HLA-G: variants seen among roughly 807,000 people sequenced by gnomAD.
HLA-G encodes the protein major histocompatibility complex, class I, G.
A neutral mutation model predicts 39.3 loss-of-function variants in HLA-G; 34 were observed. That is an observed-to-expected ratio of 0.86 (90% CI 0.66 to 1.15). The LOEUF (loss-of-function observed/expected upper bound fraction) is 1.15. HLA-G is among the 50% of genes most tolerant of loss of function. The probability of loss-of-function intolerance (pLI) is 0.00; values close to 1 mark genes in which losing one functional copy is unlikely to be tolerated. For missense variants in HLA-G, 419 were observed against 456.4 expected, an observed-to-expected ratio of 0.92 and a Z score of 0.75; for synonymous variants, 183 against 185.8, an observed-to-expected ratio of 0.99 and a Z score of 0.12.
intron 1 of HLA-G, 35 bp downstream of exon 1, chr6:29,827,952 G>A (rs767979259): frequency 1.9e-6 from 3 of 1,594,770 alleles, no homozygotes; most frequent in South Asian, 2.3e-5. Flanking sequence ...CAGCCCCTGC[G>A]CGGAGGAGGG....
upstream of HLA-G, chr6:29,827,327 C>G (rs1760755427): frequency 2.8e-6 from 1 of 357,086 alleles, no homozygotes. Flanking sequence ...GTCTTTACAC[C>G]TACAATCCCA....
chr6:29,829,503 G>A lies in HLA-G; in HGVS notation c.705G>A (p.Ala235=), dbSNP rs78141541. 396 of 1,613,802 alleles carry A rather than the reference G, an allele frequency of 2.5e-4. 25 individuals carry two copies. Among genetic ancestry groups the A allele is most frequent in the East Asian group, 1.7e-3 (77 of 44,860 alleles). The change falls in exon 4 of 7, where the codon GCG becomes GCA. Residue 235 remains alanine (A), a synonymous_variant. Coordinates refer to ENST00000360323, the MANE Select transcript of HLA-G (RefSeq NM_001384290.1). ...GCTGGGCCCTGGGCTTCTACCCTGCGGAGATCATACTGACCTGGCAGCGGG... is the reference window on the plus strand; with the variant it reads ...GCTGGGCCCTGGGCTTCTACCCTGCAGAGATCATACTGACCTGGCAGCGGG... The part of the protein sequence containing the change: ...LRCWALGFYP[A]EIILTWQRDG...
upstream of HLA-G, chr6:29,827,360 C>A: frequency 2.9e-6 from 1 of 350,100 alleles, no homozygotes; most frequent in South Asian, 2.3e-5. Context: ...TCTCTGGCAA[C>A]AAGCTCCCTG....
At chr6:29,829,275 C>A (rs116139267) in intron 3 of HLA-G, 143 bp from the exon 4 acceptor site, 4 of 903,682 alleles carry the variant, frequency 4.4e-6, no homozygotes, top group Admixed American at 4.5e-5. Context: ...CCCAGGTGCC[C>A]GTGTCCAGGC....
Position 29,830,378 on chromosome 6 carries a change from A to G in HLA-G, c.1013A>G (p.Asp338Gly), listed in dbSNP as rs1761172520. 6.2e-7 allele frequency: 1 copy of G among 1,613,732 alleles called. No homozygotes were observed. Among genetic ancestry groups the G allele is most frequent in the Non-Finnish European group, 8.5e-7 (1 of 1,179,734 alleles). ...AAVLWRKKSS[D>G] ...CTCACAGGACATTTTCTTCCCACAG[A>G]TTGAAAAGGAGGGAGCTACTCTCAG... The change falls in exon 6 of 7, where the codon GAT becomes GGT. Residue 338 changes from aspartate (D) to glycine (G), a missense_variant and splice_region_variant. Transcript: ENST00000360323.
In HLA-G at chr6:29,829,483, G is replaced by C; in HGVS notation, c.685G>C (p.Ala229Pro). ...FDYEATLRCW[A>P]LGFYPAEIIL... ...CTATGAGGCCACCCTGAGGTGCTGG[G>C]CCCTGGGCTTCTACCCTGCGGAGAT... Residue 229 changes from alanine to proline, a missense_variant, in exon 4 of 7, where the codon GCC becomes CCC. Ala to Pro is a conservative substitution (Grantham distance 27). Coordinates refer to ENST00000360323, the MANE Select transcript of HLA-G (RefSeq NM_001384290.1). 1.9e-6 allele frequency: 3 copies of C among 1,613,878 alleles called. No homozygotes were observed.
At chr6:29,829,123 G>A (rs2113858005) in intron 3 of HLA-G, among the ~76,000 whole-genome samples, 1 of 152,220 alleles carries the variant, frequency 6.6e-6, no homozygotes, top group South Asian at 2.1e-4. Context: ...TTCCCCTCAG[G>A]CCTTGTTCTC....
At chr6:29,829,337 T>C (rs1285376599) in intron 3 of HLA-G, 81 bp from the exon 4 acceptor site, 3 of 1,483,758 alleles carry the variant, frequency 2.0e-6, no homozygotes, top group Non-Finnish European at 2.8e-6. Context: ...TGGTTCATTC[T>C]TAGGATGGTC....
At chr6:29,830,463 G>A (rs1761178915) in intron 6 of HLA-G, 53 bp downstream of exon 6, 4 of 1,496,574 alleles carry the variant, frequency 2.7e-6, no homozygotes, top group African/African-American at 2.8e-5. Context: ...GTGTTTGGGA[G>A]CCCATGGGGG....
chr6:29,827,367 C>G (rs1408985204), upstream of HLA-G: 2 of 350,218 alleles, frequency 5.7e-6, no homozygotes, highest in Non-Finnish European at 1.1e-5. Context: ...CAACAAGCTC[C>G]CTGGGGTGAT....
At chr6:29,830,341 C>T (rs779036563) in intron 5 of HLA-G, 37 bp from the exon 6 acceptor site, 3 of 1,612,898 alleles carry the variant, frequency 1.9e-6, no homozygotes, top group Non-Finnish European at 2.5e-6. Context: ...GGCCCTGCCA[C>T]CTTTCTGGCC....
At chr6:29,828,355 A>C (rs772273052) in intron 2 of HLA-G, 39 bp downstream of exon 2, 1 of 1,575,308 alleles carries the variant, frequency 6.3e-7, no homozygotes. Context: ...CACGACCCCC[A>C]CCTCCATGCC....
At chr6:29,827,784 G>A, upstream of HLA-G, 1 of 1,522,144 alleles carries the variant, frequency 6.6e-7, no homozygotes, top group East Asian at 2.3e-5. Context: ...CAGCGTCGCC[G>A]CGGTCCTGGT....
rs1760846430 is a variant in HLA-G at position 29,828,093 on chromosome 6, C to T, written c.120C>T (p.Gly40=). ...RYFSAAVSRP[G]RGEPRFIAMG... ...TCAGCGCCGCCGTGTCCCGGCCCGG[C>T]CGCGGGGAGCCCCGCTTCATCGCCA... is the stretch of plus-strand genomic sequence containing the variant. Residue 40 remains glycine (G), a synonymous_variant, in exon 2 of 7, where the codon GGC becomes GGT. Transcript: ENST00000360323. 1 of 1,612,254 alleles carries T rather than the reference C, an allele frequency of 6.2e-7. No individual in the cohort carries two copies.
intron 2 of HLA-G, 104 bp downstream of exon 2, chr6:29,828,420 C>T (rs1425764038): frequency 1.9e-6 from 3 of 1,548,714 alleles, no homozygotes; most frequent in South Asian, 1.2e-5. Flanking sequence ...ACCCCGAGGC[C>T]GCGGGACCCG....
chr6:29,829,108 G>A (rs1035560760), intron 3 of HLA-G, among the ~76,000 whole-genome samples: 4 of 152,102 alleles, frequency 2.6e-5, no homozygotes, highest in African/African-American at 4.8e-5. Flanking sequence ...TTGGCACCAG[G>A]ACTTTTCCCC....
chr6:29,828,393 C>A, intron 2 of HLA-G, 77 bp downstream of exon 2: 1 of 1,557,654 alleles, frequency 6.4e-7, no homozygotes, highest in Non-Finnish European at 8.7e-7. Context: ...ACTCCCGAGT[C>A]TCCGGGTCTG....
intron 2 of HLA-G, 78 bp downstream of exon 2, chr6:29,828,394 T>C (rs1760893506): frequency 1.3e-6 from 2 of 1,557,132 alleles, no homozygotes; most frequent in South Asian, 2.5e-5. Flanking sequence ...CTCCCGAGTC[T>C]CCGGGTCTGG....
At position 29,828,046 on chromosome 6, in the gene HLA-G, G is replaced by T; in HGVS notation, c.74-1G>T. ...GGGTCTCAACCCCTCCTCGCCCCCA[G>T]GCTCCCACTCCATGAGGTATTTCAG... is the stretch of plus-strand genomic sequence containing the variant. On this transcript the variant is annotated splice_acceptor_variant, in intron 1 of 6. Transcript: ENST00000360323. LOFTEE classifies it high-confidence loss of function. 6.2e-7 allele frequency: 1 copy of T among 1,610,196 alleles called. No homozygotes were observed.
Sources: gnomAD v4.1 joint callset for allele counts (sites outside exome capture counted in the v4.1 genomes callset) on GRCh38, gnomAD v4.1.1 for gene constraint, MANE v1.5 for transcripts, NCBI Gene and HGNC (gene_info 2026-07-23, HGNC 2026-07-21) for gene names.